The following GALNTL6 variants were observed in gnomAD, a reference collection of about 807,000 sequenced individuals.
GALNTL6 encodes the protein polypeptide N-acetylgalactosaminyltransferase-like 6.
GALNTL6 carries 46 observed loss-of-function variants against 73.7 expected under a neutral mutation model. That is an observed-to-expected ratio of 0.62 (90% CI 0.49 to 0.80). The LOEUF (loss-of-function observed/expected upper bound fraction) is 0.80, where lower values mean the gene tolerates loss of function less well. Ranked by LOEUF, GALNTL6 falls within the 30% of genes least tolerant of loss-of-function variation. The probability of loss-of-function intolerance (pLI) is 0.00; values close to 1 mark genes in which losing one functional copy is unlikely to be tolerated. For missense variants in GALNTL6, 604 were observed against 755.0 expected, an observed-to-expected ratio of 0.80 and a Z score of 2.34; for synonymous variants, 259 against 263.7, an observed-to-expected ratio of 0.98 and a Z score of 0.17.
intron 5 of GALNTL6, among the ~76,000 whole-genome samples, chr4:172,579,800 GGGAAGGAAGGA>G (rs2110969853): frequency 4.7e-5 from 1 of 21,140 alleles, no homozygotes; most frequent in African/African-American, 6.4e-5. Context: ...GAAGGAAGGA[GGGAAGGAAGGA>G]GGGAAGGAAG....
At chr4:171,840,282 T>C (rs935293776) in intron 2 of GALNTL6, among the ~76,000 whole-genome samples, 3 of 152,230 alleles carry the variant, frequency 2.0e-5, no homozygotes, top group Non-Finnish European at 4.4e-5. Flanking sequence ...CTGTTAACAG[T>C]ACAGGTTTGA....
At chr4:172,651,617 A>T (rs1433521430) in intron 5 of GALNTL6, among the ~76,000 whole-genome samples, 2 of 152,178 alleles carry the variant, frequency 1.3e-5, no homozygotes, top group African/African-American at 4.8e-5. Flanking sequence ...TTATTTCATC[A>T]TATATAACAA....
intron 2 of GALNTL6, among the ~76,000 whole-genome samples, chr4:172,095,370 G>A (rs895732196): frequency 6.6e-6 from 1 of 152,038 alleles, no homozygotes; most frequent in Non-Finnish European, 1.5e-5. Flanking sequence ...GTGAGTAAGC[G>A]CGTGTACGAA....
At chr4:172,469,443 A>G (rs1341565881) in intron 5 of GALNTL6, among the ~76,000 whole-genome samples, 1 of 116,468 alleles carries the variant, frequency 8.6e-6, no homozygotes, top group Non-Finnish European at 2.1e-5. Flanking sequence ...TCATCTCTAC[A>G]AAAAATAAAA....
intron 2 of GALNTL6, among the ~76,000 whole-genome samples, chr4:172,087,774 A>T (rs1041037961): frequency 6.7e-6 from 1 of 149,888 alleles, no homozygotes; most frequent in African/African-American, 2.4e-5. Context: ...AAAAAAAAAA[A>T]CAGTGGAAAT....
At chr4:172,401,622 T>C (rs997799174) in intron 5 of GALNTL6, among the ~76,000 whole-genome samples, 1 of 152,118 alleles carries the variant, frequency 6.6e-6, no homozygotes, top group African/African-American at 2.4e-5. Context: ...TTAACTTTCA[T>C]TTTCTTCCTA....
chr4:172,943,373 G>A (rs1171137269), intron 9 of GALNTL6, among the ~76,000 whole-genome samples: 3 of 152,172 alleles, frequency 2.0e-5, no homozygotes, highest in Admixed American at 6.5e-5. Context: ...GCCAAAATCT[G>A]ACTGGAACTC....
intron 2 of GALNTL6, among the ~76,000 whole-genome samples, chr4:172,007,591 T>TA (rs1740878339): frequency 6.6e-6 from 1 of 152,122 alleles, no homozygotes; most frequent in South Asian, 2.1e-4. Context: ...ACAACCTAAT[T>TA]AAAAATCACA....
At chr4:172,825,474 T>C (rs564965613) in intron 7 of GALNTL6, among the ~76,000 whole-genome samples, 2 of 152,208 alleles carry the variant, frequency 1.3e-5, no homozygotes, top group East Asian at 3.9e-4. Context: ...TGTTAGCGTG[T>C]TTTTCTATCA....
intron 5 of GALNTL6, among the ~76,000 whole-genome samples, chr4:172,705,447 TA>T (rs36060764): frequency 0.014 from 2,026 of 148,310 alleles, 22 homozygotes; most frequent in South Asian, 0.043. Context: ...ACAATAAATT[TA>T]AAAAAAAAAA....
At chr4:172,172,902 T>G (rs1349465342) in intron 2 of GALNTL6, among the ~76,000 whole-genome samples, 1 of 152,234 alleles carries the variant, frequency 6.6e-6, no homozygotes. Flanking sequence ...TGTTGAACAC[T>G]GACGTATGTA....
chr4:172,145,608 T>C (rs774714910), intron 2 of GALNTL6, among the ~76,000 whole-genome samples: 7 of 152,134 alleles, frequency 4.6e-5, no homozygotes, highest in Non-Finnish European at 8.8e-5. Flanking sequence ...AGGTTATCTG[T>C]TTTACTAGTA....
chr4:172,835,837 C>G (rs546868168), intron 7 of GALNTL6, among the ~76,000 whole-genome samples: 1 of 152,190 alleles, frequency 6.6e-6, no homozygotes, highest in African/African-American at 2.4e-5. Flanking sequence ...ATAGACGTGT[C>G]TCTGAATACA....
intron 8 of GALNTL6, among the ~76,000 whole-genome samples, chr4:172,930,575 C>T (rs916228509): frequency 6.6e-6 from 1 of 152,134 alleles, no homozygotes; most frequent in Non-Finnish European, 1.5e-5. Flanking sequence ...GATGTCTAAG[C>T]ATGAAATGTG....
Position 172,929,155 on chromosome 4 carries a change from G to A in GALNTL6, c.1042-2006G>A, listed in dbSNP as rs192255529. 3.6e-3 allele frequency among the ~76,000 whole-genome samples: 555 copies of A among 152,204 alleles called. 4 individuals are homozygous for A. Among genetic ancestry groups the A allele is most frequent in the African/African-American group, 0.012 (486 of 41,544 alleles). On this transcript the variant is annotated intron_variant, in intron 8 of 12. Coordinates refer to ENST00000506823, the MANE Select transcript of GALNTL6 (RefSeq NM_001034845.3). ...TATTTCTGAAGGCTTGATCCAAATC[G>A]TTACTAAATATCCCATCAAGTTGAA...
intron 5 of GALNTL6, among the ~76,000 whole-genome samples, chr4:172,650,925 G>A (rs973617666): frequency 4.6e-5 from 7 of 152,174 alleles, no homozygotes; most frequent in African/African-American, 1.4e-4. Context: ...ATAATTCTTA[G>A]TGTGAACTGT....
At chr4:172,331,555 C>T (rs1741127653) in intron 4 of GALNTL6, among the ~76,000 whole-genome samples, 1 of 152,178 alleles carries the variant, frequency 6.6e-6, no homozygotes, top group African/African-American at 2.4e-5. Flanking sequence ...TCCCTCTATC[C>T]ACTGGCAACC....
chr4:172,518,209 A>G (rs755974104), intron 5 of GALNTL6, among the ~76,000 whole-genome samples: 15 of 152,046 alleles, frequency 9.9e-5, no homozygotes, highest in Admixed American at 3.3e-4. Flanking sequence ...GGAATTCTTG[A>G]TAATATAATT....
At chr4:172,521,734 G>A (rs1250293881) in intron 5 of GALNTL6, among the ~76,000 whole-genome samples, 1 of 152,118 alleles carries the variant, frequency 6.6e-6, no homozygotes, top group Admixed American at 6.6e-5. Context: ...ATGTGACCTT[G>A]TACAATTAAA....
Sources: gnomAD v4.1 joint callset for allele counts (sites outside exome capture counted in the v4.1 genomes callset) on GRCh38, gnomAD v4.1.1 for gene constraint, MANE v1.5 for transcripts, NCBI Gene and HGNC (gene_info 2026-07-23, HGNC 2026-07-21) for gene names.